The following EBF2 variants were observed in gnomAD, a reference collection of about 807,000 sequenced individuals.
EBF2 encodes the protein transcription factor COE2.
Under a neutral mutation model 72.8 loss-of-function variants are expected in EBF2, and 21 were observed. The observed-to-expected ratio is 0.29, with a 90% CI of 0.20 to 0.42. The LOEUF is 0.42. Among genes scored for constraint, EBF2 ranks in the 10% least tolerant of loss-of-function variants. The pLI, the probability that EBF2 is intolerant of heterozygous loss-of-function variation, is 1.00. For missense variants in EBF2, 637 were observed against 731.2 expected, an observed-to-expected ratio of 0.87 and a Z score of 1.49; for synonymous variants, 299 against 274.2, an observed-to-expected ratio of 1.09 and a Z score of -0.89.
chr8:25,848,911 A>G (rs1025640898), intron 15 of EBF2, among the ~76,000 whole-genome samples: 2 of 152,200 alleles, frequency 1.3e-5, no homozygotes, highest in Non-Finnish European at 2.9e-5. Context: ...TGAAGAGGTC[A>G]TGGGGAAGAG....
intron 6 of EBF2, among the ~76,000 whole-genome samples, chr8:26,017,374 C>G (rs552438253): frequency 6.6e-6 from 1 of 152,192 alleles, no homozygotes; most frequent in African/African-American, 2.4e-5. Flanking sequence ...AAGTGAGATG[C>G]CACAATCTAC....
intron 6 of EBF2, among the ~76,000 whole-genome samples, chr8:25,984,970 G>A (rs1804424177): frequency 6.6e-6 from 1 of 151,212 alleles, no homozygotes; most frequent in Non-Finnish European, 1.5e-5. Flanking sequence ...TCTACAATAA[G>A]CAAAGGAAAA....
chr8:25,991,877 A>G (rs577049545), intron 6 of EBF2, among the ~76,000 whole-genome samples: 1 of 151,968 alleles, frequency 6.6e-6, no homozygotes, highest in African/African-American at 2.4e-5. Context: ...GCAAAAACAA[A>G]AGGGAGAGTT....
chr8:26,017,135 G>T (rs984425900), intron 6 of EBF2, among the ~76,000 whole-genome samples: 23 of 146,928 alleles, frequency 1.6e-4, no homozygotes, highest in Non-Finnish European at 3.0e-4. Flanking sequence ...TGTGTGTTTT[G>T]CCATGCAGTC....
chr8:26,037,808 G>A (rs1805528047), intron 5 of EBF2, among the ~76,000 whole-genome samples: 1 of 152,132 alleles, frequency 6.6e-6, no homozygotes, highest in African/African-American at 2.4e-5. Context: ...AGACCATTGG[G>A]GAAGGGAGAA....
intron 6 of EBF2, among the ~76,000 whole-genome samples, chr8:25,940,369 C>A (rs1439392853): frequency 6.6e-6 from 1 of 152,176 alleles, no homozygotes; most frequent in Non-Finnish European, 1.5e-5. Context: ...TTGCCTATAT[C>A]CCCATAGATA....
At chr8:25,884,388 A>AG in intron 10 of EBF2, among the ~76,000 whole-genome samples, 1 of 152,158 alleles carries the variant, frequency 6.6e-6, no homozygotes, top group African/African-American at 2.4e-5. Context: ...AGGAGGATGG[A>AG]GAAAGAAGGA....
intron 10 of EBF2, among the ~76,000 whole-genome samples, chr8:25,865,743 A>G (rs1007878672): frequency 6.6e-5 from 10 of 150,772 alleles, no homozygotes; most frequent in Non-Finnish European, 1.3e-4. Flanking sequence ...GATCTTAACC[A>G]GGCCAGGCGC....
intron 6 of EBF2, among the ~76,000 whole-genome samples, chr8:25,993,301 T>A (rs1804574531): frequency 6.6e-6 from 1 of 152,184 alleles, no homozygotes; most frequent in Admixed American, 6.5e-5. Context: ...CTATTAGGAC[T>A]CCTCTTCCCT....
intron 6 of EBF2, among the ~76,000 whole-genome samples, chr8:26,002,868 AGGCG>A (rs1207231197): frequency 9.0e-6 from 1 of 111,188 alleles, no homozygotes; most frequent in Non-Finnish European, 2.2e-5. Context: ...GCAGGCGGGC[AGGCG>A]GGCAGGCGGG....
At chr8:26,027,339 G>A (rs1411966589) in intron 6 of EBF2, among the ~76,000 whole-genome samples, 1 of 152,096 alleles carries the variant, frequency 6.6e-6, no homozygotes, top group East Asian at 1.9e-4. Context: ...AAGGCAGGAA[G>A]AGACTGTGTT....
chr8:25,855,223 G>A (rs779169992), intron 14 of EBF2, among the ~76,000 whole-genome samples: 10 of 152,028 alleles, frequency 6.6e-5, no homozygotes, highest in African/African-American at 9.7e-5. Context: ...GGAACTCACC[G>A]GGCACATATC....
In EBF2 at chr8:26,022,461, G is replaced by A. The variant is rs73561817; in HGVS notation, c.551+10624C>T. Among the ~76,000 whole-genome samples, 712 of 152,296 alleles carry A rather than the reference G, an allele frequency of 4.7e-3. 7 individuals carry two copies. Among genetic ancestry groups the A allele is most frequent in the African/African-American group, 0.016 (685 of 41,556 alleles). ...TTGGAGGGGCTACATGGAAATAGAA[G>A]CATTCAGAGACACAATAGCCCCAGC... On this transcript the variant is annotated intron_variant, in intron 6 of 15. Coordinates refer to ENST00000520164, the MANE Select transcript of EBF2 (RefSeq NM_022659.4).
chr8:25,944,683 AATAT>A (rs1438525865), intron 6 of EBF2, among the ~76,000 whole-genome samples: 2 of 147,936 alleles, frequency 1.4e-5, no homozygotes, highest in Non-Finnish European at 3.0e-5. Flanking sequence ...TATATTATAT[AATAT>A]ATAAATTATA....
intron 6 of EBF2, among the ~76,000 whole-genome samples, chr8:25,928,494 C>T (rs1342377830): frequency 2.0e-5 from 3 of 151,278 alleles, no homozygotes; most frequent in African/African-American, 7.4e-5. Flanking sequence ...TGCCAGGACA[C>T]CAGCTGACAA....
intron 3 of EBF2, 93 bp downstream of exon 3, chr8:26,040,846 G>GCGAT: frequency 6.4e-7 from 1 of 1,566,398 alleles, no homozygotes; most frequent in Non-Finnish European, 8.7e-7. Context: ...TGGGCTCCAT[G>GCGAT]CGATCCCTGA....
intron 15 of EBF2, among the ~76,000 whole-genome samples, chr8:25,849,269 T>A (rs1801908717): frequency 6.6e-6 from 1 of 152,200 alleles, no homozygotes; most frequent in Admixed American, 6.5e-5. Flanking sequence ...GTAGAGTCAC[T>A]TGACTTCCAG....
At chr8:26,004,658 T>C (rs1294014638) in intron 6 of EBF2, among the ~76,000 whole-genome samples, 5 of 93,188 alleles carry the variant, frequency 5.4e-5, no homozygotes, top group Admixed American at 5.3e-4. Flanking sequence ...CTGGGTGACA[T>C]AGCAAGACTG....
chr8:25,856,751 C>T (rs1802102453), intron 14 of EBF2, among the ~76,000 whole-genome samples: 1 of 152,322 alleles, frequency 6.6e-6, no homozygotes, highest in African/African-American at 2.4e-5. Context: ...TCTCCAACAT[C>T]TCAGTAACAG....
Sources: allele counts gnomAD v4.1 joint callset (sites outside exome capture counted in the v4.1 genomes callset), GRCh38; gene constraint gnomAD v4.1.1; transcripts MANE v1.5; gene names NCBI Gene and HGNC (gene_info 2026-07-23, HGNC 2026-07-21).